RIMBP2: variants seen among roughly 807,000 people sequenced by gnomAD.
RIMBP2 encodes RIMS binding protein 2, also known as RIMS-binding protein 2.
RIMBP2 carries 48 observed loss-of-function variants against 118.6 expected under a neutral mutation model. The ratio of observed to expected loss-of-function variants is 0.40; its 90% confidence interval spans 0.32 to 0.51. The LOEUF is 0.51. Among genes scored for constraint, RIMBP2 ranks in the 20% least tolerant of loss-of-function variants. The probability of loss-of-function intolerance (pLI) is 0.41; values close to 1 mark genes in which losing one functional copy is unlikely to be tolerated. For missense variants in RIMBP2, 1,551 were observed against 1,768.3 expected (o/e 0.88, Z 2.20); for synonymous variants, 762 against 742.9 (o/e 1.03, Z -0.42).
At position 130,710,825 on chromosome 12, in the gene RIMBP2, C is replaced by T. The variant is rs1949864463; in HGVS notation, c.-352+5397G>A. ...CCCAAATGGACGTCTTCAGGCCTCT[C>T]CCTGCTCTACCTGCTCCTCCACAAG... On this transcript the variant is annotated intron_variant, in intron 1 of 22. Transcript: ENST00000690449. This position sits in a 1 kb window ranked among gnomAD's most constrained non-coding sequence, Gnocchi z 4.3. Among the ~76,000 whole-genome samples the T allele has an allele frequency of 6.6e-6, 1 of 152,254 alleles. No individual in the cohort carries two copies. Among genetic ancestry groups the T allele is most frequent in the African/African-American group, 2.4e-5 (1 of 41,476 alleles).
intron 1 of RIMBP2, among the ~76,000 whole-genome samples, chr12:130,659,401 C>A (rs1037573705): frequency 6.6e-6 from 1 of 151,736 alleles, no homozygotes; most frequent in African/African-American, 2.4e-5. Flanking sequence ...GAAACCCCAT[C>A]TCTACTAAAA....
At chr12:130,682,791 A>C (rs1241897260) in intron 1 of RIMBP2, among the ~76,000 whole-genome samples, 2 of 152,214 alleles carry the variant, frequency 1.3e-5, no homozygotes, top group African/African-American at 4.8e-5. Context: ...TAATTGATGA[A>C]GACGAGACTC....
chr12:130,463,570 T>TG (rs1301430603), intron 6 of RIMBP2, among the ~76,000 whole-genome samples: 1 of 152,108 alleles, frequency 6.6e-6, no homozygotes, highest in Non-Finnish European at 1.5e-5. Context: ...AAGCAGGCGC[T>TG]GTGCTGGCGG....
At chr12:130,564,849 G>A (rs181795195) in intron 2 of RIMBP2, among the ~76,000 whole-genome samples, 1 of 152,182 alleles carries the variant, frequency 6.6e-6, no homozygotes, top group Non-Finnish European at 1.5e-5. Flanking sequence ...CACTTAAATT[G>A]TGTTAAGAGG....
chr12:130,649,270 C>T (rs759438229), intron 1 of RIMBP2, among the ~76,000 whole-genome samples: 3 of 110,062 alleles, frequency 2.7e-5, no homozygotes, highest in Non-Finnish European at 7.0e-5. Context: ...CTGCGACGTA[C>T]GTTTCTCTCC....
Position 130,450,249 on chromosome 12 carries a change from A to T in RIMBP2, c.532T>A (p.Ser178Thr). The part of the protein sequence containing the change: ...DMENERNSNT[S>T]KQRYSGKVHL... ...ACCTTCCCCGAGTATCTCTGCTTGG[A>T]GGTATTGGAATTCCGTTCATTCTCC... The change falls in exon 9 of 23, where the codon TCC becomes ACC. Residue 178 changes from serine (S) to threonine (T), a missense_variant. Coordinates refer to ENST00000690449, the MANE Select transcript of RIMBP2 (RefSeq NM_001393629.1). The surrounding 1 kb of genome is among the most constrained non-coding windows in gnomAD (Gnocchi z 4.8). The T allele has an allele frequency of 6.2e-7, 1 of 1,609,446 alleles. No homozygotes were observed.
Position 130,434,133 on chromosome 12 carries a change from C to A in RIMBP2, c.2253+601G>T, listed in dbSNP as rs887182508. ...GATAACTGCAGCGTCTTCGAGCTCC[C>A]ACTATTTAGCATTCCCCAGGCCCTC... On this transcript the variant is annotated intron_variant, in intron 14 of 22. Coordinates refer to ENST00000690449, the MANE Select transcript of RIMBP2 (RefSeq NM_001393629.1). This position sits in a 1 kb window ranked among gnomAD's most constrained non-coding sequence, Gnocchi z 5.7. Among the ~76,000 whole-genome samples the A allele has an allele frequency of 6.6e-6, 1 of 152,190 alleles. No homozygotes were observed. Among genetic ancestry groups the A allele is most frequent in the African/African-American group, 2.4e-5 (1 of 41,440 alleles).
In RIMBP2 at chr12:130,538,831, C is replaced by A. The variant is rs565414341; in HGVS notation, c.-216-20914G>T. On this transcript the variant is annotated intron_variant, in intron 2 of 22. Transcript: ENST00000690449. Reference sequence around the variant, plus strand: ...AGTGACAAACGTGGCTTCCTGCCCCCACTCTTCCCTCCCCGTATTGCCTGG... The same window carrying A: ...AGTGACAAACGTGGCTTCCTGCCCCAACTCTTCCCTCCCCGTATTGCCTGG... Among the ~76,000 whole-genome samples the A allele has an allele frequency of 2.0e-5, 3 of 152,134 alleles. No individual in the cohort carries two copies. The East Asian group carries it at 5.8e-4, about 30-fold the overall frequency.
intron 1 of RIMBP2, among the ~76,000 whole-genome samples, chr12:130,636,307 A>C (rs1357580136): frequency 6.6e-6 from 1 of 152,042 alleles, no homozygotes; most frequent in Non-Finnish European, 1.5e-5. Flanking sequence ...CTTGAGCACC[A>C]CACAGATTCC....
At chr12:130,445,063 T>G in intron 10 of RIMBP2, 97 bp downstream of exon 10, 1 of 751,808 alleles carries the variant, frequency 1.3e-6, no homozygotes, top group East Asian at 2.7e-5. Context: ...CAGGAGTATG[T>G]TGGGAGCCCT....
intron 2 of RIMBP2, among the ~76,000 whole-genome samples, chr12:130,536,724 G>A (rs1262888111): frequency 6.6e-6 from 1 of 152,134 alleles, no homozygotes; most frequent in African/African-American, 2.4e-5. Flanking sequence ...AGTATGTAGA[G>A]CTTAATTTCC....
At chr12:130,429,935 C>T (rs2077051424) in intron 14 of RIMBP2, 2 of 152,220 alleles carry the variant, frequency 1.3e-5, no homozygotes, top group Admixed American at 6.5e-5. Context: ...CGAGGCCCTC[C>T]CAAGGCCTCT....
intron 17 of RIMBP2, chr12:130,414,595 C>T (rs1198633834): frequency 1.9e-5 from 5 of 258,646 alleles, no homozygotes; most frequent in Non-Finnish European, 3.0e-5. Context: ...GCAGGGGCTG[C>T]GGCCGTGCCA....
At chr12:130,674,218 G>C (rs533007539) in intron 1 of RIMBP2, among the ~76,000 whole-genome samples, 1 of 152,110 alleles carries the variant, frequency 6.6e-6, no homozygotes, top group African/African-American at 2.4e-5. Flanking sequence ...TCTCTCTCCT[G>C]CTCCAGCCAT....
chr12:130,629,987 A>AAG (rs1325791140), intron 1 of RIMBP2, among the ~76,000 whole-genome samples: 1 of 151,546 alleles, frequency 6.6e-6, no homozygotes, highest in Non-Finnish European at 1.5e-5. Context: ...AAAAAAAAAA[A>AAG]AAAAAGCAAC....
chr12:130,599,764 A>G (rs977574252), intron 2 of RIMBP2, among the ~76,000 whole-genome samples: 1 of 152,226 alleles, frequency 6.6e-6, no homozygotes, highest in African/African-American at 2.4e-5. Flanking sequence ...TGTTAAATGC[A>G]CACCTACGTA....
At chr12:130,468,609 G>C (rs932146212) in intron 6 of RIMBP2, among the ~76,000 whole-genome samples, 1 of 152,216 alleles carries the variant, frequency 6.6e-6, no homozygotes, top group Non-Finnish European at 1.5e-5. Context: ...CTTTGACAGA[G>C]AGGAGCGCAG....
intron 17 of RIMBP2, among the ~76,000 whole-genome samples, chr12:130,417,855 G>GA (rs1436048862): frequency 7.0e-6 from 1 of 143,854 alleles, no homozygotes; most frequent in African/African-American, 2.6e-5. Flanking sequence ...TATATGTATG[G>GA]AGAGAGAATG....
chr12:130,689,517 G>A (rs1219449671), intron 1 of RIMBP2, among the ~76,000 whole-genome samples: 1 of 152,164 alleles, frequency 6.6e-6, no homozygotes, highest in Non-Finnish European at 1.5e-5. Flanking sequence ...GCAGGCCCGA[G>A]AAAAAGGATG....
Sources: allele counts gnomAD v4.1 joint callset (sites outside exome capture counted in the v4.1 genomes callset), GRCh38; gene constraint gnomAD v4.1.1; non-coding constraint Gnocchi (gnomAD v3.1); transcripts MANE v1.5; gene names NCBI Gene and HGNC (gene_info 2026-07-23, HGNC 2026-07-21).